ITGAV: variants seen among roughly 807,000 people sequenced by gnomAD.
ITGAV encodes the protein integrin subunit alpha V.
A neutral mutation model predicts 143.8 loss-of-function variants in ITGAV; 76 were observed. That is an observed-to-expected ratio of 0.53 (90% CI 0.44 to 0.64). The LOEUF (loss-of-function observed/expected upper bound fraction) is 0.64. ITGAV is among the 30% of genes least tolerant of loss of function. ITGAV has a pLI of 0.00. For missense variants in ITGAV, 1,193 were observed against 1,274.7 expected (o/e 0.94, Z 0.98); for synonymous variants, 453 against 446.7 (o/e 1.01, Z -0.18).
intron 10 of ITGAV, among the ~76,000 whole-genome samples, chr2:186,639,142 G>T (rs1356768877): frequency 1.3e-5 from 2 of 152,018 alleles, no homozygotes; most frequent in East Asian, 3.8e-4. Flanking sequence ...AAAAATGCTA[G>T]TACTTTTTAA....
intron 2 of ITGAV, among the ~76,000 whole-genome samples, chr2:186,603,070 G>T (rs1268791347): frequency 6.6e-6 from 1 of 152,040 alleles, no homozygotes; most frequent in Non-Finnish European, 1.5e-5. Flanking sequence ...TGAGAAATAA[G>T]CTTTACATTT....
chr2:186,636,095 G>A lies in ITGAV; in HGVS notation c.645G>A (p.Ser215=), dbSNP rs777936327. 25 of 1,611,064 alleles carry A rather than the reference G, an allele frequency of 1.6e-5. No individual in the cohort carries two copies. The highest frequency in any genetic ancestry group is 4.0e-5 in the African/African-American group (3 of 74,674). Residue 215 remains serine, a synonymous_variant, in exon 7 of 30, where the codon TCG becomes TCA. Transcript: ENST00000261023. ...ACCCTTTTTTAGGTCAGCTTATTTCGGATCAAGTGGCAGAAATCGTATCTA... is the reference window on the plus strand; with the variant it reads ...ACCCTTTTTTAGGTCAGCTTATTTCAGATCAAGTGGCAGAAATCGTATCTA... ...GSFYWQGQLI[S]DQVAEIVSKY...
At chr2:186,656,492 G>C (rs1003062490) in intron 17 of ITGAV, 91 bp downstream of exon 17, 17 of 977,900 alleles carry the variant, frequency 1.7e-5, no homozygotes, top group Non-Finnish European at 2.5e-5. Context: ...ATTAGTGTTA[G>C]ATCAAAAGGA....
chr2:186,633,550 T>C (rs1687875122), intron 6 of ITGAV, among the ~76,000 whole-genome samples, 176 bp downstream of exon 6: 2 of 150,702 alleles, frequency 1.3e-5, no homozygotes, highest in East Asian at 3.9e-4. Context: ...ATAATATATA[T>C]TAAATATGTG....
In ITGAV at chr2:186,668,807, C is replaced by A; in HGVS notation, c.2479C>A (p.Leu827Ile). The A allele has an allele frequency of 3.7e-6, 6 of 1,613,780 alleles. No individual in the cohort carries two copies. The highest frequency in any genetic ancestry group is 5.1e-6 in the Non-Finnish European group (6 of 1,179,856). The change falls in exon 25 of 30, where the codon CTT becomes ATT. Residue 827 changes from leucine (L) to isoleucine (I), a missense_variant. Transcript: ENST00000261023. ...PSSFSKAMLH[L>I]QWPYKYNNNT... Reference sequence around the variant, plus strand: ...TTCATTCAGCAAGGCAATGCTCCATCTTCAGTGGCCTTACAAATATAATAA... The same window carrying A: ...TTCATTCAGCAAGGCAATGCTCCATATTCAGTGGCCTTACAAATATAATAA...
At chr2:186,609,656 G>T (rs1205553517) in intron 2 of ITGAV, among the ~76,000 whole-genome samples, 1 of 152,088 alleles carries the variant, frequency 6.6e-6, no homozygotes, top group Non-Finnish European at 1.5e-5. Context: ...AGATTAGTTG[G>T]TGACATTTGA....
In ITGAV at chr2:186,641,529, T is replaced by C. The variant is rs146613742; in HGVS notation, c.1100T>C (p.Phe367Ser). 2.5e-6 allele frequency: 4 copies of C among 1,614,190 alleles called. No homozygotes were observed. Among genetic ancestry groups the C allele is most frequent in the Non-Finnish European group, 2.5e-6 (3 of 1,180,022 alleles). The change falls in exon 12 of 30, where the codon TTT (phenylalanine) becomes TCT (serine). Residue 367 changes from phenylalanine (F) to serine (S), a missense_variant. Transcript: ENST00000261023. Reference protein sequence around the residue: ...QTTKLNGFEVFARFGSAIAPL... With the variant: ...QTTKLNGFEVSARFGSAIAPL... ...ACAAAGCTGAATGGATTTGAGGTCT[T>C]TGCACGGTTTGGCAGTGCCATAGCT...
At chr2:186,641,151 T>C (rs1350520588) in intron 11 of ITGAV, among the ~76,000 whole-genome samples, 184 bp downstream of exon 11, 1 of 152,222 alleles carries the variant, frequency 6.6e-6, no homozygotes, top group Admixed American at 6.5e-5. Context: ...GTTCTGTTTT[T>C]TTTCAGTAGC....
At chr2:186,607,573 T>C (rs1054792419) in intron 2 of ITGAV, among the ~76,000 whole-genome samples, 2 of 152,162 alleles carry the variant, frequency 1.3e-5, no homozygotes, top group Admixed American at 6.5e-5. Context: ...CTTACTCATA[T>C]GTGTGTGGAC....
At chr2:186,649,406 T>G (rs1688362546) in intron 13 of ITGAV, among the ~76,000 whole-genome samples, 2 of 152,124 alleles carry the variant, frequency 1.3e-5, no homozygotes, top group South Asian at 4.1e-4. Flanking sequence ...AACTAATGCA[T>G]TTCATTCTTG....
chr2:186,677,370 G>A lies in ITGAV; in HGVS notation c.*78G>A. 2 of 1,119,374 alleles carry A rather than the reference G, an allele frequency of 1.8e-6. No homozygotes were observed. The highest frequency in any genetic ancestry group is 2.6e-6 in the Non-Finnish European group (2 of 759,266). The allele number at this position is 1,119,374 out of a possible 1,614,324, so 69.3% of individuals were successfully genotyped here. ...TTATAGATTTAAACTTTCTTCATGA[G>A]GAGTAAAAATCCAAGGCTTTACTGC... On this transcript the variant is annotated 3_prime_UTR_variant, in exon 30 of 30. Coordinates refer to ENST00000261023, the MANE Select transcript of ITGAV (RefSeq NM_002210.5).
chr2:186,639,261 G>C (rs1365299873), intron 10 of ITGAV, among the ~76,000 whole-genome samples: 1 of 152,174 alleles, frequency 6.6e-6, no homozygotes, highest in Non-Finnish European at 1.5e-5. Flanking sequence ...TAAACAGTAG[G>C]TAGAGAAAAA....
In ITGAV at chr2:186,637,103, A is replaced by G; in HGVS notation, c.796A>G (p.Ile266Val). ...VAVGDFNGDG[I>V]DDFVSGVPRA... is the part of the protein sequence containing the mutation. ...TGTCGGAGATTTCAATGGTGATGGC[A>G]TAGATGGTATGAAGTACTTGAACTA... Residue 266 changes from isoleucine to valine, a missense_variant, in exon 8 of 30, where the codon ATA becomes GTA. Coordinates refer to ENST00000261023, the MANE Select transcript of ITGAV (RefSeq NM_002210.5). 4 of 1,611,640 alleles carry G rather than the reference A, an allele frequency of 2.5e-6. No homozygotes were observed. The highest frequency in any genetic ancestry group is 3.4e-6 in the Non-Finnish European group (4 of 1,177,752).
Position 186,665,704 on chromosome 2 carries a change from C to T in ITGAV, c.2166+486C>T, listed in dbSNP as rs184437869. 3.9e-5 allele frequency among the ~76,000 whole-genome samples: 6 copies of T among 152,246 alleles called. No individual in the cohort carries two copies. The East Asian group carries it at 7.7e-4, about 20-fold the overall frequency. On this transcript the variant is annotated intron_variant, in intron 21 of 29. Transcript: ENST00000261023. ...AAGAAGCAGCCAATGGCTTGCTTTCCGAATCCTCTAAAAAGTAAACAAAAT... is the reference window on the plus strand; with the variant it reads ...AAGAAGCAGCCAATGGCTTGCTTTCTGAATCCTCTAAAAAGTAAACAAAAT...
chr2:186,632,260 T>C lies in ITGAV; in HGVS notation c.586-1069T>C, dbSNP rs528094770. On this transcript the variant is annotated intron_variant, in intron 5 of 29. Transcript: ENST00000261023. Reference sequence around the variant, plus strand: ...CATTTCCAAATAGGTATTATATATTTTTAAAATATATAATGTCCATCTTTT... The same window carrying C: ...CATTTCCAAATAGGTATTATATATTCTTAAAATATATAATGTCCATCTTTT... 2.6e-5 allele frequency among the ~76,000 whole-genome samples: 4 copies of C among 152,242 alleles called. No homozygotes were observed. In the East Asian group the frequency reaches 5.8e-4, roughly 22 times the overall value.
chr2:186,644,164 A>G (rs1456541895), intron 12 of ITGAV, among the ~76,000 whole-genome samples: 1 of 152,066 alleles, frequency 6.6e-6, no homozygotes. Flanking sequence ...AACTGGTCTC[A>G]AACTCCTGGG....
At chr2:186,636,304 T>C in intron 7 of ITGAV, 97 bp downstream of exon 7, 2 of 961,990 alleles carry the variant, frequency 2.1e-6, no homozygotes, top group Admixed American at 2.6e-5. Context: ...TTATGTGAAA[T>C]AGATTAGGAT....
intron 24 of ITGAV, 114 bp downstream of exon 24, chr2:186,667,890 G>T: frequency 4.2e-6 from 2 of 480,044 alleles, no homozygotes; most frequent in Non-Finnish European, 3.7e-6. Flanking sequence ...CTCTACATTG[G>T]TTAAGTATGT....
intron 18 of ITGAV, among the ~76,000 whole-genome samples, chr2:186,660,839 C>G (rs755398212): frequency 2.0e-4 from 30 of 152,124 alleles, no homozygotes; most frequent in Non-Finnish European, 3.5e-4. Flanking sequence ...TCTTCTGAGG[C>G]CTCTCTTCTT....
Sources: allele counts gnomAD v4.1 joint callset (sites outside exome capture counted in the v4.1 genomes callset), GRCh38; gene constraint gnomAD v4.1.1; transcripts MANE v1.5; gene names NCBI Gene and HGNC (gene_info 2026-07-23, HGNC 2026-07-21).